The following TMEM237 variants were observed in gnomAD, a reference collection of about 807,000 sequenced individuals.
TMEM237 encodes the protein transmembrane protein 237.
A neutral mutation model predicts 59.1 loss-of-function variants in TMEM237; 51 were observed. The ratio of observed to expected loss-of-function variants is 0.86; its 90% CI spans 0.69 to 1.09. TMEM237 has a LOEUF of 1.09. Ranked by LOEUF, TMEM237 falls within the 50% of genes least tolerant of loss-of-function variation. TMEM237 has a pLI of 0.00. For missense variants in TMEM237, 475 were observed against 478.3 expected (o/e 0.99, Z 0.06); for synonymous variants, 140 against 166.1 (o/e 0.84, Z 1.21).
chr2:201,626,360 G>A lies in TMEM237; in HGVS notation c.1038-213C>T, dbSNP rs541652751. ...TATTTAAACTCTGAACAGATCTGCT[G>A]TATACATTCATATAAATGCAAAGTT... On this transcript the variant is annotated intron_variant, in intron 11 of 12. Transcript: ENST00000409883. 9 of 395,840 alleles carry A rather than the reference G, an allele frequency of 2.3e-5. No individual in the cohort carries two copies. In the Admixed American group the frequency reaches 2.4e-4, roughly 11 times the overall value. 24.5% of individuals were successfully genotyped at this position (395,840 alleles called of 1,614,324 possible). A position where few individuals can be genotyped will look rare whatever the true frequency, so the allele number is the denominator to read the frequency against.
Position 201,633,405 on chromosome 2 carries a change from T to C in TMEM237, c.301A>G (p.Lys101Glu), listed in dbSNP as rs1430527300. Residue 101 changes from lysine (K) to glutamate (E), a missense_variant, in exon 6 of 13, where the codon AAG becomes GAG. Coordinates refer to ENST00000409883, the MANE Select transcript of TMEM237 (RefSeq NM_001044385.3). The part of the protein sequence containing the change: ...LELETSSTQK[K>E]SSSSSLLRNE... The stretch of plus-strand genomic sequence containing the variant: ...CGTAATAAAGATGAACTAGATGACT[T>C]CTTTTGGGTGGAGGAAGTCTCCAAT... 1.3e-6 allele frequency: 2 copies of C among 1,569,962 alleles called. No individual in the cohort carries two copies. Among genetic ancestry groups the C allele is most frequent in the Non-Finnish European group, 1.7e-6 (2 of 1,157,148 alleles).
chr2:201,634,040 C>A (rs1687242048), intron 5 of TMEM237, among the ~76,000 whole-genome samples: 1 of 152,322 alleles, frequency 6.6e-6, no homozygotes, highest in South Asian at 2.1e-4. Context: ...CAGCAAAAAT[C>A]ACTATGTGTG....
At chr2:201,628,837 G>C (rs544840684) in intron 9 of TMEM237, among the ~76,000 whole-genome samples, 4 of 152,338 alleles carry the variant, frequency 2.6e-5, no homozygotes, top group Admixed American at 2.6e-4. Context: ...ATTGCAGACT[G>C]CTCGCCTCCA....
chr2:201,643,279 C>CCCCCCA lies in TMEM237; in HGVS notation c.42+79_42+80insTGGGGG. 7.6e-7 allele frequency: 1 copy of CCCCCCA among 1,320,562 alleles called. No homozygotes were observed. Among genetic ancestry groups the CCCCCCA allele is most frequent in the African/African-American group, 1.5e-5 (1 of 68,212 alleles). The allele number at this position is 1,320,562 out of a possible 1,614,324, so 81.8% of individuals were successfully genotyped here. ...GTGATTCCCAGCTCGTTGGCGCCCCCCCACACACACCCACCCCCACTGCCA... is the reference window on the plus strand; with the variant it reads ...GTGATTCCCAGCTCGTTGGCGCCCCCCCCCCACCACACACACCCACCCCCACTGCCA... On this transcript the variant is annotated intron_variant, in intron 1 of 12. Transcript: ENST00000409883. This position sits in a 1 kb window ranked among gnomAD's most constrained non-coding sequence, Gnocchi z 4.3.
At chr2:201,640,834 A>T in intron 2 of TMEM237, 59 bp downstream of exon 2, 1 of 1,396,340 alleles carries the variant, frequency 7.2e-7, no homozygotes, top group Non-Finnish European at 9.7e-7. Flanking sequence ...CAATTTTTCC[A>T]CTGTCTTCAT....
At chr2:201,639,521 C>T (rs968599627) in intron 3 of TMEM237, among the ~76,000 whole-genome samples, 7 of 152,262 alleles carry the variant, frequency 4.6e-5, no homozygotes, top group East Asian at 1.9e-4. Context: ...GCAGACCAGG[C>T]GCAGTGGCTC....
chr2:201,628,005 T>C (rs1201257060), intron 10 of TMEM237, 71 bp downstream of exon 10: 1 of 1,149,228 alleles, frequency 8.7e-7, no homozygotes, highest in Non-Finnish European at 1.2e-6. Flanking sequence ...AAAAAAATTA[T>C]ATTTATCCTG....
chr2:201,630,751 A>C (rs562414557), intron 7 of TMEM237, among the ~76,000 whole-genome samples: 69 of 152,150 alleles, frequency 4.5e-4, no homozygotes, highest in Non-Finnish European at 8.7e-4. Context: ...TAGATGAATA[A>C]AACCATGTGA....
chr2:201,625,840 T>TA (rs1236128676), intron 12 of TMEM237, among the ~76,000 whole-genome samples, 186 bp downstream of exon 12: 1 of 152,168 alleles, frequency 6.6e-6, no homozygotes, highest in Non-Finnish European at 1.5e-5. Context: ...CAAGCCCTCC[T>TA]AGACACTCCT....
At chr2:201,628,174 C>G (rs551556247) in intron 9 of TMEM237, 25 bp from the exon 10 acceptor site, 1 of 1,521,234 alleles carries the variant, frequency 6.6e-7, no homozygotes, top group Non-Finnish European at 9.0e-7. Flanking sequence ...AGTTTCTTGT[C>G]ACAGCGCAGT....
chr2:201,640,279 T>C lies in TMEM237; in HGVS notation c.75-14A>G, dbSNP rs1320688613. The C allele has an allele frequency of 6.4e-7, 1 of 1,551,834 alleles. No individual in the cohort carries two copies. Among genetic ancestry groups the C allele is most frequent in the Non-Finnish European group, 8.6e-7 (1 of 1,159,988 alleles). The stretch of plus-strand genomic sequence containing the variant: ...AACTCACCTTGACTAACACGTCATA[T>C]AACACCAAACAAATTTAATCAGCAG... On this transcript the variant is annotated splice_polypyrimidine_tract_variant and intron_variant, in intron 2 of 12. Coordinates refer to ENST00000409883, the MANE Select transcript of TMEM237 (RefSeq NM_001044385.3).
rs997312360 is a variant in TMEM237, at chr2:201,622,894, G to A, written c.*1361C>T. ...AAGTGTGCTAAGCCTTGGCTCTAAC[G>A]AGCATGGCTTCCCTGAAGTTTGCTG... On this transcript the variant is annotated 3_prime_UTR_variant, in exon 13 of 13. Transcript: ENST00000409883. 13 of 156,986 alleles carry A rather than the reference G, an allele frequency of 8.3e-5. No individual in the cohort carries two copies. Among genetic ancestry groups the A allele is most frequent in the African/African-American group, 2.2e-4 (9 of 41,688 alleles). The allele number at this position is 156,986 out of a possible 1,614,324, so 9.7% of individuals were successfully genotyped here.
intron 4 of TMEM237, among the ~76,000 whole-genome samples, chr2:201,637,934 G>T (rs1237406939): frequency 6.6e-6 from 1 of 152,110 alleles, no homozygotes; most frequent in Non-Finnish European, 1.5e-5. Flanking sequence ...GACTCTACAG[G>T]TAGCAAGATA....
chr2:201,640,973 T>C, intron 1 of TMEM237, 49 bp from the exon 2 acceptor site: 1 of 1,552,324 alleles, frequency 6.4e-7, no homozygotes, highest in Non-Finnish European at 8.8e-7. Flanking sequence ...CTAGAGCATC[T>C]TTACTTCAAA....
chr2:201,634,960 C>G (rs56162425), intron 5 of TMEM237: 146,453 of 336,842 alleles, frequency 0.43, 32,663 homozygotes, highest in South Asian at 0.55. Flanking sequence ...AATAGGAGAG[C>G]ACTAATCTCC....
rs575276697 is a variant in TMEM237, at chr2:201,643,101, G to C, written c.42+258C>G. On this transcript the variant is annotated intron_variant, in intron 1 of 12. Coordinates refer to ENST00000409883, the MANE Select transcript of TMEM237 (RefSeq NM_001044385.3). This position sits in a 1 kb window ranked among gnomAD's most constrained non-coding sequence, Gnocchi z 4.3. ...GGCCTCAGATGAGTGAGGCGTCGTCGTGGCAACGCGGGCTCAGGTCCCCGC... is the reference window on the plus strand; with the variant it reads ...GGCCTCAGATGAGTGAGGCGTCGTCCTGGCAACGCGGGCTCAGGTCCCCGC... 2.0e-5 allele frequency among the ~76,000 whole-genome samples: 3 copies of C among 152,240 alleles called. No individual in the cohort carries two copies. Among genetic ancestry groups the C allele is most frequent in the Non-Finnish European group, 2.9e-5 (2 of 68,002 alleles).
At position 201,626,133 on chromosome 2, in the gene TMEM237, T is replaced by G; in HGVS notation, c.1052A>C (p.Glu351Ala). 6.2e-7 allele frequency: 1 copy of G among 1,611,542 alleles called. No individual in the cohort carries two copies. The highest frequency in any genetic ancestry group is 1.3e-5 in the African/African-American group (1 of 74,986). Residue 351 changes from glutamate (E) to alanine (A), a missense_variant, in exon 12 of 13, where the codon GAG (glutamate) becomes GCG (alanine). By Grantham distance (107) the Glu-to-Ala change is moderately radical. Coordinates refer to ENST00000409883, the MANE Select transcript of TMEM237 (RefSeq NM_001044385.3). ...AATCCATGGCTGGAGAATCTGTTCC[T>G]CAATTCCTGCTTCCCTAAAAATGTA... ...VNGSLWEAGI[E>A]EQILQPWIVV...
Position 201,627,206 on chromosome 2 carries a change from T to C in TMEM237, c.1037+115A>G, listed in dbSNP as rs147288667. The C allele has an allele frequency of 1.5e-5, 10 of 681,074 alleles. No individual in the cohort carries two copies. In the Admixed American group the frequency reaches 1.8e-4, roughly 12 times the overall value. 42.2% of individuals were successfully genotyped at this position (681,074 alleles called of 1,614,324 possible). A position where few individuals can be genotyped will look rare whatever the true frequency, so the allele number is the denominator to read the frequency against. On this transcript the variant is annotated intron_variant, in intron 11 of 12. Coordinates refer to ENST00000409883, the MANE Select transcript of TMEM237 (RefSeq NM_001044385.3). ...CAAAGGAATAAGTATTTTCTTGCCA[T>C]ATATTTGGAAACAAAAACAGAGCCT...
At chr2:201,640,476 T>A (rs561949329) in intron 2 of TMEM237, among the ~76,000 whole-genome samples, 1 of 152,298 alleles carries the variant, frequency 6.6e-6, no homozygotes, top group East Asian at 1.9e-4. Flanking sequence ...TAAAATAATG[T>A]CAATATTTTC....
Sources: allele counts gnomAD v4.1 joint callset (sites outside exome capture counted in the v4.1 genomes callset), GRCh38; gene constraint gnomAD v4.1.1; non-coding constraint Gnocchi (gnomAD v3.1); transcripts MANE v1.5; gene names NCBI Gene and HGNC (gene_info 2026-07-23, HGNC 2026-07-21).